The following GBF1 variants were observed in gnomAD, a reference collection of about 807,000 sequenced individuals.
GBF1 encodes the protein Golgi-specific brefeldin A-resistance guanine nucleotide exchange factor 1.
GBF1 carries 114 observed loss-of-function variants against 210.5 expected under a neutral mutation model. The observed-to-expected ratio is 0.54, with a 90% CI of 0.47 to 0.63. The LOEUF is 0.63. Ranked by LOEUF, GBF1 falls within the 30% of genes least tolerant of loss-of-function variation. GBF1 has a pLI of 0.00. For synonymous variants in GBF1, 850 were observed against 889.2 expected, an observed-to-expected ratio of 0.96 and a Z score of 0.78; for missense variants, 1,851 against 2,357.7, an observed-to-expected ratio of 0.79 and a Z score of 4.45.
intron 3 of GBF1, among the ~76,000 whole-genome samples, chr10:102,332,868 A>T (rs1159468892): frequency 6.6e-6 from 1 of 152,212 alleles, no homozygotes; most frequent in Non-Finnish European, 1.5e-5. Context: ...CTGAGAAGCT[A>T]AGAATGTGTT....
At position 102,379,265 on chromosome 10, in the gene GBF1, C is replaced by T; in HGVS notation, c.4495-19C>T. 1 of 1,608,646 alleles carries T rather than the reference C, an allele frequency of 6.2e-7. No homozygotes were observed. The highest frequency in any genetic ancestry group is 1.3e-5 in the African/African-American group (1 of 74,910). The stretch of plus-strand genomic sequence containing the variant: ...GAGACCTAACCCCACTCACATCCTG[C>T]CCCCTCCTGTGATCCTAGTTGCTAG... On this transcript the variant is annotated intron_variant, in intron 33 of 39. Coordinates refer to ENST00000369983, the MANE Select transcript of GBF1 (RefSeq NM_001377137.1).
At chr10:102,277,570 G>A (rs2075101643) in intron 3 of GBF1, among the ~76,000 whole-genome samples, 1 of 151,918 alleles carries the variant, frequency 6.6e-6, no homozygotes, top group South Asian at 2.1e-4. Context: ...GTAGAGACAG[G>A]GTTTCGCCAT....
chr10:102,344,364 G>A (rs898744453), intron 4 of GBF1, among the ~76,000 whole-genome samples, 182 bp downstream of exon 4: 2 of 152,208 alleles, frequency 1.3e-5, no homozygotes, highest in African/African-American at 2.4e-5. Flanking sequence ...ACGTTGTACA[G>A]GGTGGGAAGG....
At chr10:102,315,939 AAATT>A (rs536994798) in intron 3 of GBF1, among the ~76,000 whole-genome samples, 2 of 152,156 alleles carry the variant, frequency 1.3e-5, no homozygotes, top group South Asian at 2.1e-4. Flanking sequence ...AAGAAGGAAG[AAATT>A]AATTCTGATA....
chr10:102,365,664 A>G, intron 18 of GBF1, 65 bp downstream of exon 18: 1 of 1,381,074 alleles, frequency 7.2e-7, no homozygotes, highest in Admixed American at 1.7e-5. Context: ...TAATCCTGAC[A>G]CTTTGGGAGG....
chr10:102,285,641 A>G (rs2075870962), intron 3 of GBF1, among the ~76,000 whole-genome samples: 1 of 152,104 alleles, frequency 6.6e-6, no homozygotes. Flanking sequence ...TGATTTGTCT[A>G]ATAGTCACTG....
chr10:102,338,930 C>G (rs142802188), intron 3 of GBF1, among the ~76,000 whole-genome samples: 2 of 152,190 alleles, frequency 1.3e-5, no homozygotes, highest in East Asian at 3.9e-4. Flanking sequence ...CCAAATTGAT[C>G]TATAGACTCA....
chr10:102,259,352 A>G (rs147686153), intron 2 of GBF1, among the ~76,000 whole-genome samples: 4 of 152,298 alleles, frequency 2.6e-5, no homozygotes, highest in African/African-American at 9.6e-5. Flanking sequence ...TAGGGCTATA[A>G]TTAGCTATCA....
intron 3 of GBF1, among the ~76,000 whole-genome samples, chr10:102,268,722 T>G (rs948005895): frequency 1.3e-5 from 2 of 152,156 alleles, no homozygotes; most frequent in Non-Finnish European, 2.9e-5. Context: ...TTAGGAGAGA[T>G]AGTGAAGAGT....
rs1246940535 is a variant in GBF1 at position 102,369,582 on chromosome 10, A to C, written c.3151-129A>C. ...AAGAAGGCTGGTAGATGCCATTGCC[A>C]GTCACCAATTGGCACAATAGCATAG... is the stretch of plus-strand genomic sequence containing the variant. On this transcript the variant is annotated intron_variant, in intron 24 of 39. Transcript: ENST00000369983. The C allele has an allele frequency of 6.4e-6, 6 of 934,966 alleles. No individual in the cohort carries two copies. In the East Asian group the frequency reaches 1.6e-4, roughly 24 times the overall value. The allele number at this position is 934,966 out of a possible 1,614,324, so 57.9% of individuals were successfully genotyped here.
chr10:102,278,500 A>G (rs1232920681), intron 3 of GBF1, among the ~76,000 whole-genome samples: 1 of 152,088 alleles, frequency 6.6e-6, no homozygotes, highest in East Asian at 1.9e-4. Context: ...CTTTCTTTTT[A>G]AAAAATTGAT....
chr10:102,321,534 T>A (rs2056396000), intron 3 of GBF1, among the ~76,000 whole-genome samples: 1 of 152,224 alleles, frequency 6.6e-6, no homozygotes, highest in African/African-American at 2.4e-5. Flanking sequence ...TATAAGACAT[T>A]TTAAAATGAT....
At chr10:102,288,567 C>G (rs909990371) in intron 3 of GBF1, among the ~76,000 whole-genome samples, 1 of 151,442 alleles carries the variant, frequency 6.6e-6, no homozygotes, top group Non-Finnish European at 1.5e-5. Context: ...AAAAATTAGC[C>G]GGGCGCGGTG....
intron 3 of GBF1, among the ~76,000 whole-genome samples, chr10:102,294,935 A>T (rs918574416): frequency 2.6e-5 from 4 of 152,230 alleles, no homozygotes; most frequent in Admixed American, 1.3e-4. Context: ...CTTAGAATGT[A>T]TCTCTGTCCT....
intron 8 of GBF1, among the ~76,000 whole-genome samples, chr10:102,357,168 A>G (rs993800079): frequency 6.6e-6 from 1 of 152,124 alleles, no homozygotes; most frequent in African/African-American, 2.4e-5. Flanking sequence ...CTTTTGACCA[A>G]TCTGATACAG....
At chr10:102,369,647 G>C in intron 24 of GBF1, 64 bp from the exon 25 acceptor site, 1 of 1,455,374 alleles carries the variant, frequency 6.9e-7, no homozygotes. Flanking sequence ...GAACTTTGGT[G>C]GGTGGAGGCG....
intron 3 of GBF1, among the ~76,000 whole-genome samples, chr10:102,271,766 T>G (rs2074447244): frequency 6.6e-6 from 1 of 152,114 alleles, no homozygotes; most frequent in African/African-American, 2.4e-5. Context: ...TACCATTATT[T>G]TTTGAGACAG....
chr10:102,230,759 G>T, the GBF1 span: 2 of 1,492,376 alleles, frequency 1.3e-6, no homozygotes, highest in African/African-American at 1.5e-5. Context: ...AGCCCGGGGG[G>T]GCCCCCGCCC....
intron 3 of GBF1, among the ~76,000 whole-genome samples, chr10:102,263,889 C>T (rs1403515855): frequency 1.3e-5 from 2 of 152,112 alleles, no homozygotes; most frequent in African/African-American, 4.8e-5. Flanking sequence ...TAGCTTACCA[C>T]CAGTGAGAGA....
Sources: allele counts gnomAD v4.1 joint callset (sites outside exome capture counted in the v4.1 genomes callset), GRCh38; gene constraint gnomAD v4.1.1; transcripts MANE v1.5; gene names NCBI Gene and HGNC (gene_info 2026-07-23, HGNC 2026-07-21).